IKZF1: variants seen among roughly 807,000 people sequenced by gnomAD.
IKZF1 encodes IKAROS family zinc finger 1.
A neutral mutation model predicts 51.7 loss-of-function variants in IKZF1; 10 were observed. The observed-to-expected ratio is 0.19, with a 90% CI of 0.12 to 0.33. The LOEUF is 0.33. IKZF1 is among the 10% of genes least tolerant of loss of function. The pLI is 1.00. For missense variants in IKZF1, 484 were observed against 707.5 expected (o/e 0.68, Z 3.58); for synonymous variants, 280 against 282.3 (o/e 0.99, Z 0.08).
intron 5 of IKZF1, among the ~76,000 whole-genome samples, chr7:50,387,087 C>G (rs766776073): frequency 5.5e-4 from 83 of 152,158 alleles, no homozygotes; most frequent in Admixed American, 1.1e-3. Flanking sequence ...GTGATTGAAG[C>G]AGGAGAGAAT....
At chr7:50,375,717 C>A (rs917991734) in intron 3 of IKZF1, among the ~76,000 whole-genome samples, 21 of 130,104 alleles carry the variant, frequency 1.6e-4, no homozygotes, top group South Asian at 1.1e-3. Flanking sequence ...CCCCCCCCCC[C>A]ACCCACCACC....
rs1024766283 is a variant in IKZF1 at position 50,319,077 on chromosome 7, G to A, written c.16G>A (p.Gly6Ser). 1.2e-6 allele frequency: 2 copies of A among 1,613,472 alleles called. No homozygotes were observed. The highest frequency in any genetic ancestry group is 2.7e-5 in the African/African-American group (2 of 74,986). MDADE[G>S]QDMSQVSGKE... ...CCTGAGGACCATGGATGCTGATGAG[G>A]GTCAAGACATGTCCCAAGTTTCAGG... Residue 6 changes from glycine to serine, a missense_variant, in exon 2 of 8, where the codon GGT becomes AGT. Around this residue, in one of 6 missense-constraint regions of IKZF1, gnomAD observed 118 missense variants for 138.4 expected, o/e 0.85. Coordinates refer to ENST00000331340, the MANE Select transcript of IKZF1 (RefSeq NM_006060.6).
intron 3 of IKZF1, among the ~76,000 whole-genome samples, chr7:50,361,498 A>G (rs979406955): frequency 6.6e-6 from 1 of 152,220 alleles, no homozygotes; most frequent in Non-Finnish European, 1.5e-5. Context: ...GTTGGCTGAC[A>G]TGAAACAGGC....
At chr7:50,399,723 G>C (rs1261610069) in intron 7 of IKZF1, among the ~76,000 whole-genome samples, 195 bp from the exon 8 acceptor site, 2 of 152,188 alleles carry the variant, frequency 1.3e-5, no homozygotes, top group African/African-American at 4.8e-5. Context: ...CCTTCCCCCA[G>C]CCCGTCAGTA....
At chr7:50,346,787 G>A (rs909229304) in intron 3 of IKZF1, among the ~76,000 whole-genome samples, 4 of 152,198 alleles carry the variant, frequency 2.6e-5, no homozygotes, top group South Asian at 4.1e-4. Flanking sequence ...ACTCACTGCC[G>A]TTAGTCTGAG....
intron 3 of IKZF1, among the ~76,000 whole-genome samples, chr7:50,334,235 A>T (rs1797041956): frequency 6.6e-6 from 1 of 152,232 alleles, no homozygotes; most frequent in African/African-American, 2.4e-5. Context: ...ATCTTGTACT[A>T]GGTTTTGGAA....
chr7:50,395,314 A>G (rs1304470609), intron 7 of IKZF1, among the ~76,000 whole-genome samples: 1 of 152,214 alleles, frequency 6.6e-6, no homozygotes, highest in Non-Finnish European at 1.5e-5. Flanking sequence ...CTTAAATTCA[A>G]GAGGTGAAAA....
At chr7:50,397,292 CT>C (rs1176660060) in intron 7 of IKZF1, among the ~76,000 whole-genome samples, 5 of 152,274 alleles carry the variant, frequency 3.3e-5, no homozygotes, top group African/African-American at 1.2e-4. Flanking sequence ...TGACATGTTC[CT>C]TTAGCTGATT....
chr7:50,325,768 C>CT (rs1244151557), intron 2 of IKZF1, among the ~76,000 whole-genome samples: 44 of 150,564 alleles, frequency 2.9e-4, no homozygotes, highest in African/African-American at 1.1e-3. Flanking sequence ...GAGCAAGACT[C>CT]TGTCTCGAAA....
intron 5 of IKZF1, among the ~76,000 whole-genome samples, chr7:50,387,028 G>A (rs1372345892): frequency 6.6e-6 from 1 of 152,150 alleles, no homozygotes; most frequent in Non-Finnish European, 1.5e-5. Flanking sequence ...TGGCATCCAC[G>A]TTATAACACA....
Position 50,400,530 on chromosome 7 carries a change from A to T in IKZF1, c.1463A>T (p.Asp488Val), listed in dbSNP as rs753529443. 1 of 1,614,074 alleles carries T rather than the reference A, an allele frequency of 6.2e-7. No homozygotes were observed. The highest frequency in any genetic ancestry group is 1.1e-5 in the South Asian group (1 of 91,084). The change falls in exon 8 of 8, where the codon GAT (aspartate) becomes GTT (valine). Residue 488 changes from aspartate (D) to valine (V), a missense_variant. This residue lies in a region of IKZF1 where 42 missense variants were observed against 84.4 expected (regional missense o/e 0.50). Coordinates refer to ENST00000331340, the MANE Select transcript of IKZF1 (RefSeq NM_006060.6). The surrounding 1 kb of genome is among the most constrained non-coding windows in gnomAD (Gnocchi z 5.4). ...TIHMGCHGFRDPFECNMCGYH... is the reference protein window; with the variant it reads ...TIHMGCHGFRVPFECNMCGYH... The stretch of plus-strand genomic sequence containing the variant: ...CACATGGGCTGCCACGGCTTCCGTG[A>T]TCCTTTTGAGTGCAACATGTGCGGC...
Position 50,344,767 on chromosome 7 carries a change from GTGA to G in IKZF1, c.160+17015_160+17017del, listed in dbSNP as rs541849544. Among the ~76,000 whole-genome samples the G allele has an allele frequency of 2.3e-3, 348 of 152,204 alleles. 2 individuals are homozygous for G. Among genetic ancestry groups the G allele is most frequent in the African/African-American group, 8.0e-3 (332 of 41,538 alleles). On this transcript the variant is annotated intron_variant, in intron 3 of 7. Transcript: ENST00000331340. ...ACAGAAACACTAAATTCAGTGTATT[GTGA>G]TGATACCTTTTTAAGAGATAGGCTA...
chr7:50,382,467 A>G, intron 4 of IKZF1, 73 bp from the exon 5 acceptor site: 1 of 1,497,594 alleles, frequency 6.7e-7, no homozygotes, highest in Non-Finnish European at 9.0e-7. Flanking sequence ...GTGGGAAACA[A>G]CTTTCTCGTA....
At chr7:50,342,830 T>C (rs1320046822) in intron 3 of IKZF1, among the ~76,000 whole-genome samples, 1 of 152,214 alleles carries the variant, frequency 6.6e-6, no homozygotes, top group African/African-American at 2.4e-5. Flanking sequence ...CACCTCCTGC[T>C]GCTAACCGCT....
At chr7:50,306,933 T>G (rs1788951381) in intron 1 of IKZF1, among the ~76,000 whole-genome samples, 1 of 152,230 alleles carries the variant, frequency 6.6e-6, no homozygotes, top group South Asian at 2.1e-4. Flanking sequence ...ACTTCAAGAT[T>G]ATGCATTTAT....
chr7:50,372,477 A>C (rs1320955794), intron 3 of IKZF1, among the ~76,000 whole-genome samples: 3 of 152,254 alleles, frequency 2.0e-5, no homozygotes. Flanking sequence ...TGGAATGCTC[A>C]GCATCTGCCA....
At position 50,376,472 on chromosome 7, in the gene IKZF1, TG is replaced by T; in HGVS notation, c.161-60del. 6.3e-7 allele frequency: 1 copy of T among 1,588,130 alleles called. No homozygotes were observed. The highest frequency in any genetic ancestry group is 8.6e-7 in the Non-Finnish European group (1 of 1,168,222). On this transcript the variant is annotated intron_variant, in intron 3 of 7. Transcript: ENST00000331340. The surrounding 1 kb of genome is among the most constrained non-coding windows in gnomAD (Gnocchi z 4.5). The stretch of plus-strand genomic sequence containing the variant: ...TTTGATTGTCTTTTTGCTGCTGTGT[TG>T]TTTTGTTGAGTTTTTTTTTTGCAAT...
intron 3 of IKZF1, among the ~76,000 whole-genome samples, chr7:50,365,535 T>G (rs1048928821): frequency 2.0e-5 from 3 of 152,146 alleles, no homozygotes; most frequent in African/African-American, 7.2e-5. Flanking sequence ...TGAAATAAAG[T>G]TCATCATCAT....
chr7:50,368,663 C>A, intron 3 of IKZF1: 1 of 304,484 alleles, frequency 3.3e-6, no homozygotes, highest in Admixed American at 4.6e-5. Context: ...TTTCATTTTT[C>A]TTTTTTAGAT....
Sources: gnomAD v4.1 joint callset for allele counts (sites outside exome capture counted in the v4.1 genomes callset) on GRCh38, gnomAD v4.1.1 for gene constraint, gnomAD v4.1.1 regional missense constraint, Gnocchi (gnomAD v3.1) non-coding constraint, MANE v1.5 for transcripts, NCBI Gene and HGNC (gene_info 2026-07-23, HGNC 2026-07-21) for gene names.